Variants in ATG5 observed in about 807,000 individuals in gnomAD.
The protein encoded by ATG5 is autophagy protein 5.
ATG5 carries 14 observed loss-of-function variants against 36.5 expected under a neutral mutation model. That is an observed-to-expected ratio of 0.38 (90% CI 0.25 to 0.60). ATG5 has a LOEUF of 0.60. ATG5 is among the 20% of genes least tolerant of loss of function. ATG5 has a pLI of 0.60. For synonymous variants in ATG5, 95 were observed against 101.5 expected, an observed-to-expected ratio of 0.94 and a Z score of 0.38; for missense variants, 195 against 326.7, an observed-to-expected ratio of 0.60 and a Z score of 3.11.
At chr6:106,310,450 A>G (rs1193569263) in intron 2 of ATG5, among the ~76,000 whole-genome samples, 1 of 152,134 alleles carries the variant, frequency 6.6e-6, no homozygotes, top group Non-Finnish European at 1.5e-5. Context: ...AAAAATGAAA[A>G]CAACAATGAA....
intron 6 of ATG5, among the ~76,000 whole-genome samples, chr6:106,246,522 A>T (rs894115614): frequency 6.6e-6 from 1 of 152,062 alleles, no homozygotes; most frequent in South Asian, 2.1e-4. Flanking sequence ...CCTAAAACAG[A>T]ATAAATTCAA....
At chr6:106,279,592 A>G in intron 5 of ATG5, 69 bp downstream of exon 5, 1 of 1,253,010 alleles carries the variant, frequency 8.0e-7, no homozygotes, top group Admixed American at 2.8e-5. Flanking sequence ...TGTATCAACT[A>G]CTCACAGGGT....
chr6:106,316,568 G>A (rs1770858394), intron 1 of ATG5, among the ~76,000 whole-genome samples: 1 of 152,108 alleles, frequency 6.6e-6, no homozygotes, highest in Non-Finnish European at 1.5e-5. Flanking sequence ...TTCAAGCCCA[G>A]AAGAGTCTAC....
intron 2 of ATG5, among the ~76,000 whole-genome samples, 154 bp from the exon 3 acceptor site, chr6:106,308,645 A>G (rs1770537655): frequency 6.6e-6 from 1 of 152,202 alleles, no homozygotes; most frequent in South Asian, 2.1e-4. Context: ...AGAAGATCAA[A>G]GGTTAAAGGT....
chr6:106,313,378 C>T (rs1282719490), intron 2 of ATG5, among the ~76,000 whole-genome samples: 1 of 152,146 alleles, frequency 6.6e-6, no homozygotes, highest in Non-Finnish European at 1.5e-5. Flanking sequence ...AGGGCAGACA[C>T]CTGACTAAGG....
chr6:106,194,410 T>C (rs1252624552), intron 7 of ATG5, among the ~76,000 whole-genome samples: 2 of 152,238 alleles, frequency 1.3e-5, no homozygotes, highest in African/African-American at 4.8e-5. Context: ...GATTTATATG[T>C]TTCTTTTTCT....
intron 5 of ATG5, among the ~76,000 whole-genome samples, chr6:106,264,751 T>C (rs1046716772): frequency 1.3e-5 from 2 of 152,154 alleles, no homozygotes; most frequent in Non-Finnish European, 2.9e-5. Flanking sequence ...CTAAGCTTCA[T>C]AAGCGAAGGA....
chr6:106,189,424 C>T (rs1444429244), intron 7 of ATG5, among the ~76,000 whole-genome samples: 2 of 151,668 alleles, frequency 1.3e-5, no homozygotes, highest in Non-Finnish European at 2.9e-5. Flanking sequence ...GGGCAACAGA[C>T]CCCATCTCTA....
At chr6:106,271,969 G>T (rs979494898) in intron 5 of ATG5, among the ~76,000 whole-genome samples, 1 of 152,166 alleles carries the variant, frequency 6.6e-6, no homozygotes, top group Non-Finnish European at 1.5e-5. Flanking sequence ...AGATAAATAT[G>T]CATGATCTCC....
intron 3 of ATG5, among the ~76,000 whole-genome samples, chr6:106,297,065 T>A (rs1582668544): frequency 1.3e-5 from 2 of 152,218 alleles, no homozygotes; most frequent in African/African-American, 2.4e-5. Flanking sequence ...AGTCTTTAGA[T>A]GATATCTTAA....
chr6:106,187,071 T>C (rs1199848357), intron 7 of ATG5, among the ~76,000 whole-genome samples: 2 of 152,246 alleles, frequency 1.3e-5, no homozygotes, highest in African/African-American at 2.4e-5. Context: ...AGTCGGTCCA[T>C]ACATATTTTG....
In ATG5 at chr6:106,312,347, A is replaced by AT. The variant is rs1477952526; in HGVS notation, c.108+3753dup. ...GGAATAAAATAATGCAGAGGACCAG[A>AT]TTTTTTTGGGGGGAAAGCTGATGAG... On this transcript the variant is annotated intron_variant, in intron 2 of 7. Transcript: ENST00000369076. 4.6e-5 allele frequency among the ~76,000 whole-genome samples: 7 copies of AT among 152,200 alleles called. No homozygotes were observed. The South Asian group carries it at 8.3e-4, about 18-fold the overall frequency.
chr6:106,202,644 T>A (rs564554430), intron 6 of ATG5, among the ~76,000 whole-genome samples: 1 of 152,180 alleles, frequency 6.6e-6, no homozygotes, highest in Non-Finnish European at 1.5e-5. Flanking sequence ...AGAAGTGCCA[T>A]GATATCCAAA....
At chr6:106,248,042 TA>T in intron 6 of ATG5, 107 bp downstream of exon 6, 1 of 807,808 alleles carries the variant, frequency 1.2e-6, no homozygotes, top group Non-Finnish European at 1.9e-6. Context: ...AAACCCCTAA[TA>T]AATACCGTTT....
intron 6 of ATG5, among the ~76,000 whole-genome samples, chr6:106,240,418 C>A (rs1053010333): frequency 6.7e-6 from 1 of 149,836 alleles, no homozygotes; most frequent in South Asian, 2.1e-4. Flanking sequence ...AAAAGATAGG[C>A]AAAACAAAAT....
At chr6:106,317,322 C>T (rs1770887692) in intron 1 of ATG5, among the ~76,000 whole-genome samples, 1 of 152,268 alleles carries the variant, frequency 6.6e-6, no homozygotes, top group African/African-American at 2.4e-5. Flanking sequence ...ACAATGTAGC[C>T]TATGAAAACA....
chr6:106,284,686 T>G (rs995229264), intron 4 of ATG5, among the ~76,000 whole-genome samples: 3 of 151,502 alleles, frequency 2.0e-5, no homozygotes, highest in Admixed American at 2.0e-4. Flanking sequence ...ATAACCAATC[T>G]AGAGGGCGTG....
Position 106,293,034 on chromosome 6 carries a change from A to G in ATG5, c.309T>C (p.His103=). 1 of 1,612,632 alleles carries G rather than the reference A, an allele frequency of 6.2e-7. No individual in the cohort carries two copies. The highest frequency in any genetic ancestry group is 8.5e-7 in the Non-Finnish European group (1 of 1,179,032). ...GAAATGCAATTTACTATACCTTAAA[A>G]TGTACTGTGATGTTCCAAGGAAGAG... is the stretch of plus-strand genomic sequence containing the variant. ...SSALPWNITV[H]FKSFPEKDLL... The change falls in exon 4 of 8, where the codon CAT becomes CAC. Residue 103 remains histidine, a synonymous_variant. Transcript: ENST00000369076.
intron 1 of ATG5, among the ~76,000 whole-genome samples, chr6:106,321,664 T>C (rs1771079657): frequency 1.3e-5 from 2 of 152,182 alleles, no homozygotes; most frequent in African/African-American, 4.8e-5. Context: ...GGCCAACTCT[T>C]AATCCTCTTA....
Sources: allele counts gnomAD v4.1 joint callset (sites outside exome capture counted in the v4.1 genomes callset), GRCh38; gene constraint gnomAD v4.1.1; transcripts MANE v1.5; gene names NCBI Gene and HGNC (gene_info 2026-07-23, HGNC 2026-07-21).